Variants in ARSG observed in about 807,000 individuals in gnomAD.
ARSG encodes arylsulfatase G.
A neutral mutation model predicts 50.5 loss-of-function variants in ARSG; 37 were observed. The observed-to-expected ratio is 0.73, with a 90% confidence interval of 0.56 to 0.96. The LOEUF is 0.96. Among genes scored for constraint, ARSG ranks in the 50% least tolerant of loss-of-function variants. The pLI is 0.00. For synonymous variants in ARSG, 225 were observed against 254.6 expected (o/e 0.88, Z 1.11); for missense variants, 629 against 675.3 (o/e 0.93, Z 0.76).
At chr17:68,292,935 G>A (rs1454733282) in intron 1 of ARSG, among the ~76,000 whole-genome samples, 1 of 152,132 alleles carries the variant, frequency 6.6e-6, no homozygotes, top group African/African-American at 2.4e-5. Flanking sequence ...GGATGGAGGT[G>A]GTATTCCCAG....
At chr17:68,356,924 G>C in intron 6 of ARSG, 120 bp downstream of exon 6, 1 of 1,223,796 alleles carries the variant, frequency 8.2e-7, no homozygotes, top group Non-Finnish European at 1.2e-6. Flanking sequence ...GCTCAGCAGA[G>C]ATGGATGCAT....
At chr17:68,301,445 G>A (rs1255498649) in intron 1 of ARSG, among the ~76,000 whole-genome samples, 3 of 152,184 alleles carry the variant, frequency 2.0e-5, no homozygotes, top group African/African-American at 2.4e-5. Context: ...CTGCCCAGGT[G>A]GTGCGAGTAC....
At chr17:68,325,689 C>T (rs1160554663) in intron 2 of ARSG, among the ~76,000 whole-genome samples, 2 of 152,150 alleles carry the variant, frequency 1.3e-5, no homozygotes, top group Non-Finnish European at 2.9e-5. Context: ...ATTTTTTCCT[C>T]TGTGCTTCTG....
At chr17:68,430,194 G>A in the ARSG span, 1 of 1,582,526 alleles carries the variant, frequency 6.3e-7, no homozygotes. Flanking sequence ...GATGGGACTG[G>A]GCTGCAGGCC....
chr17:68,392,190 C>T (rs1190891128), intron 9 of ARSG, among the ~76,000 whole-genome samples: 1 of 152,228 alleles, frequency 6.6e-6, no homozygotes, highest in Non-Finnish European at 1.5e-5. Flanking sequence ...TAGCTCAGCC[C>T]TCCTGGCTCC....
rs191710871 is a variant in ARSG, at chr17:68,358,771, C to T, written c.704+1967C>T. 3.3e-5 allele frequency among the ~76,000 whole-genome samples: 5 copies of T among 151,998 alleles called. No homozygotes were observed. In the East Asian group the frequency reaches 9.7e-4, roughly 30 times the overall value. On this transcript the variant is annotated intron_variant, in intron 6 of 11. Coordinates refer to ENST00000621439, the MANE Select transcript of ARSG (RefSeq NM_001267727.2). Reference sequence around the variant, plus strand: ...GTGCCAGCTAACTCGGGTGGCTGAACTGGGAGAATCACTTGAGTCCAGGAG... The same window carrying T: ...GTGCCAGCTAACTCGGGTGGCTGAATTGGGAGAATCACTTGAGTCCAGGAG...
rs1234810018 is a variant in ARSG at position 68,262,903 on chromosome 17, T to G, written c.-552+3477T>G. Among the ~76,000 whole-genome samples the G allele has an allele frequency of 5.9e-5, 9 of 152,316 alleles. No individual in the cohort carries two copies. In the South Asian group the frequency reaches 1.9e-3, roughly 32 times the overall value. ...ATGCGGGCAGATATAAATCAGGAGC[T>G]CAGGGACAAAGTTGGGACTAAGAAT... is the stretch of plus-strand genomic sequence containing the variant. On this transcript the variant is annotated intron_variant, in intron 1 of 11. Transcript: ENST00000448504.
chr17:68,409,443 G>A (rs1415867854), intron 11 of ARSG, among the ~76,000 whole-genome samples: 9 of 150,818 alleles, frequency 6.0e-5, no homozygotes, highest in South Asian at 2.1e-4. Context: ...GATATGCGGC[G>A]TTATTCCTGA....
intron 1 of ARSG, among the ~76,000 whole-genome samples, chr17:68,301,034 T>C (rs1305173078): frequency 6.6e-6 from 1 of 150,578 alleles, no homozygotes; most frequent in Non-Finnish European, 1.5e-5. Context: ...AGGAGAATGG[T>C]GTGAACCTGG....
At chr17:68,408,895 AT>A (rs2081871686) in intron 11 of ARSG, among the ~76,000 whole-genome samples, 1 of 151,036 alleles carries the variant, frequency 6.6e-6, no homozygotes. Context: ...GCATTTTTTC[AT>A]GTGTTTTTTG....
intron 10 of ARSG, chr17:68,400,988 G>T (rs7215499): frequency 0.15 from 27,590 of 178,896 alleles, 4,866 homozygotes; most frequent in African/African-American, 0.45. Flanking sequence ...ACAGTAATAT[G>T]TTCCAGGGAG....
intron 1 of ARSG, among the ~76,000 whole-genome samples, chr17:68,304,564 G>A (rs1450375063): frequency 6.6e-6 from 1 of 152,156 alleles, no homozygotes; most frequent in Admixed American, 6.5e-5. Flanking sequence ...CAATTGGGTT[G>A]GCTTGCAAGG....
chr17:68,352,206 C>T (rs2078831375), intron 5 of ARSG, among the ~76,000 whole-genome samples: 1 of 147,644 alleles, frequency 6.8e-6, no homozygotes, highest in African/African-American at 2.6e-5. Flanking sequence ...AGAGAGAGAA[C>T]AGGATTCCTT....
At chr17:68,447,033 C>G in the ARSG span, among the ~76,000 whole-genome samples, 2 of 152,218 alleles carry the variant, frequency 1.3e-5, no homozygotes, top group Non-Finnish European at 2.9e-5. Flanking sequence ...CCCGCAGAAC[C>G]ATGGTCTTGC....
At position 68,403,600 on chromosome 17, in the gene ARSG, G is replaced by C. The variant is rs529326214; in HGVS notation, c.1303+2150G>C. On this transcript the variant is annotated intron_variant, in intron 11 of 11. Coordinates refer to ENST00000621439, the MANE Select transcript of ARSG (RefSeq NM_001267727.2). Reference sequence around the variant, plus strand: ...CATTAGATTAGAGAAAGATGTGTTCGTCTATGATGAGGATATGATGTTATG... The same window carrying C: ...CATTAGATTAGAGAAAGATGTGTTCCTCTATGATGAGGATATGATGTTATG... 1.1e-3 allele frequency among the ~76,000 whole-genome samples: 170 copies of C among 152,342 alleles called. 1 individual carries two copies. Among genetic ancestry groups the C allele is most frequent in the Non-Finnish European group, 1.6e-3 (106 of 68,030 alleles).
upstream of ARSG, among the ~76,000 whole-genome samples, chr17:68,290,595 G>A (rs145429271): frequency 4.2e-3 from 633 of 152,366 alleles, 5 homozygotes; most frequent in African/African-American, 0.014. Context: ...GGGGGTCGGG[G>A]GAGGCAGGGA....
At chr17:68,335,100 C>A (rs1039633104) in intron 2 of ARSG, among the ~76,000 whole-genome samples, 16 of 152,078 alleles carry the variant, frequency 1.1e-4, no homozygotes, top group Admixed American at 6.5e-5. Flanking sequence ...GGGCTTAAGC[C>A]ATCCTCCCGC....
At chr17:68,425,989 A>G, downstream of ARSG, 2 of 1,026,422 alleles carry the variant, frequency 1.9e-6, no homozygotes, top group Non-Finnish European at 3.0e-6. Context: ...GAAAACAGGG[A>G]AAGGGACTCT....
At chr17:68,296,688 G>T (rs1555758363) in intron 1 of ARSG, among the ~76,000 whole-genome samples, 2 of 152,056 alleles carry the variant, frequency 1.3e-5, no homozygotes, top group African/African-American at 4.8e-5. Flanking sequence ...CACCCAAGCG[G>T]CCTCTGCTCA....
Sources: gnomAD v4.1 joint callset for allele counts (sites outside exome capture counted in the v4.1 genomes callset) on GRCh38, gnomAD v4.1.1 for gene constraint, MANE v1.5 for transcripts, NCBI Gene and HGNC (gene_info 2026-07-23, HGNC 2026-07-21) for gene names.